NALF1: variants seen among roughly 807,000 people sequenced by gnomAD.
The protein encoded by NALF1 is family with sequence similarity 155 member A.
Under a neutral mutation model 48.4 loss-of-function variants are expected in NALF1, and 3 were observed. The ratio of observed to expected loss-of-function variants is 0.06; its 90% CI spans 0.03 to 0.16. The LOEUF is 0.16. Among genes scored for constraint, NALF1 ranks in the 10% least tolerant of loss-of-function variants. NALF1 has a pLI of 1.00. For synonymous variants in NALF1, 262 were observed against 245.7 expected, an observed-to-expected ratio of 1.07 and a Z score of -0.62; for missense variants, 526 against 571.5, an observed-to-expected ratio of 0.92 and a Z score of 0.81.
At chr13:107,780,344 C>A (rs1284059093) in intron 1 of NALF1, among the ~76,000 whole-genome samples, 1 of 152,058 alleles carries the variant, frequency 6.6e-6, no homozygotes, top group Admixed American at 6.5e-5. Flanking sequence ...GCGTTCAACA[C>A]TGACATTGGG....
chr13:107,327,284 C>T (rs1300637837), intron 1 of NALF1, among the ~76,000 whole-genome samples: 2 of 152,054 alleles, frequency 1.3e-5, no homozygotes, highest in East Asian at 1.9e-4. Flanking sequence ...CTAGCCTGGC[C>T]TCTTGTCCTC....
intron 1 of NALF1, among the ~76,000 whole-genome samples, chr13:107,805,691 C>T (rs185062073): frequency 2.6e-5 from 4 of 152,220 alleles, no homozygotes; most frequent in East Asian, 1.9e-4. Flanking sequence ...ATCCTATGTG[C>T]GGTTACCTTC....
At chr13:107,336,455 A>G (rs1165928313) in intron 1 of NALF1, among the ~76,000 whole-genome samples, 1 of 152,142 alleles carries the variant, frequency 6.6e-6, no homozygotes, top group African/African-American at 2.4e-5. Context: ...TATACATTCT[A>G]CAATAGTTGA....
intron 1 of NALF1, among the ~76,000 whole-genome samples, chr13:107,529,978 G>A (rs1876573040): frequency 6.6e-6 from 1 of 152,020 alleles, no homozygotes; most frequent in South Asian, 2.1e-4. Context: ...GCTTTCAAGA[G>A]GAAGATGACT....
At chr13:107,700,868 G>A (rs2138511367) in intron 1 of NALF1, among the ~76,000 whole-genome samples, 1 of 152,174 alleles carries the variant, frequency 6.6e-6, no homozygotes, top group Admixed American at 6.5e-5. Context: ...ACATAACAAT[G>A]TCCAACAGAT....
rs1232728304 is a variant in NALF1 at position 107,166,671 on chromosome 13, T to C, written c.*3826A>G. On this transcript the variant is annotated 3_prime_UTR_variant, in exon 3 of 3. Transcript: ENST00000375915. ...CATGGGTCTGGCATCCAATTGCTTA[T>C]TTCATTTATGTTTTTTTCCCCCGGA... The C allele has an allele frequency of 1.3e-5, 2 of 152,142 alleles. No homozygotes were observed. The allele number at this position is 152,142 out of a possible 1,614,324, so 9.4% of individuals were successfully genotyped here.
chr13:107,573,764 T>C (rs1171695536), intron 1 of NALF1, among the ~76,000 whole-genome samples: 2 of 151,904 alleles, frequency 1.3e-5, no homozygotes, highest in Admixed American at 6.6e-5. Context: ...GTCTGTCTCA[T>C]GAGATCTGAT....
intron 1 of NALF1, among the ~76,000 whole-genome samples, chr13:107,652,268 C>T (rs1857010): frequency 0.48 from 73,007 of 151,918 alleles, 17,707 homozygotes; most frequent in East Asian, 0.66. Context: ...TGCAATTACA[C>T]TGCTCTATTT....
chr13:107,241,433 A>G (rs1880469272), intron 1 of NALF1, among the ~76,000 whole-genome samples: 1 of 152,150 alleles, frequency 6.6e-6, no homozygotes, highest in Admixed American at 6.5e-5. Flanking sequence ...ATTCTCTGCA[A>G]TTTTAATAAA....
chr13:107,858,941 G>A (rs761616483), intron 1 of NALF1, among the ~76,000 whole-genome samples: 9 of 152,094 alleles, frequency 5.9e-5, no homozygotes, highest in African/African-American at 9.7e-5. Context: ...AATAATGATC[G>A]TCTATTTAAC....
Position 107,168,758 on chromosome 13 carries a change from G to A in NALF1, c.*1739C>T, listed in dbSNP as rs192125450. 10 of 152,442 alleles carry A rather than the reference G, an allele frequency of 6.6e-5. No homozygotes were observed. In the East Asian group the frequency reaches 7.7e-4, roughly 12 times the overall value. The allele number at this position is 152,442 out of a possible 1,614,324, so 9.4% of individuals were successfully genotyped here. ...AAAATATGCATACTGTACGCATGTCGCAGGGTTAAGTATGATGCAGAGGTT... is the reference window on the plus strand; with the variant it reads ...AAAATATGCATACTGTACGCATGTCACAGGGTTAAGTATGATGCAGAGGTT... On this transcript the variant is annotated 3_prime_UTR_variant, in exon 3 of 3. Transcript: ENST00000375915.
At chr13:107,423,191 T>G (rs112339574) in intron 1 of NALF1, among the ~76,000 whole-genome samples, 3,781 of 152,314 alleles carry the variant, frequency 0.025, 61 homozygotes, top group African/African-American at 0.043. Flanking sequence ...GTGGTGGAAG[T>G]CTACAGCATG....
At chr13:107,173,132 A>G (rs1440048841) in intron 2 of NALF1, among the ~76,000 whole-genome samples, 1 of 152,198 alleles carries the variant, frequency 6.6e-6, no homozygotes, top group East Asian at 1.9e-4. Flanking sequence ...ATATTTGCAT[A>G]TCTTTCAGCT....
chr13:107,338,423 A>AC (rs1456276504), intron 1 of NALF1, among the ~76,000 whole-genome samples: 2 of 85,368 alleles, frequency 2.3e-5, no homozygotes, highest in Non-Finnish European at 3.8e-5. Flanking sequence ...GCCTTTCTCA[A>AC]CAAAAAAATA....
intron 1 of NALF1, among the ~76,000 whole-genome samples, chr13:107,521,984 G>T (rs528891329): frequency 1.1e-4 from 17 of 151,196 alleles, no homozygotes; most frequent in African/African-American, 3.6e-4. Context: ...CACACACAGC[G>T]TATCTCTCAC....
At chr13:107,400,321 C>A (rs1468973466) in intron 1 of NALF1, among the ~76,000 whole-genome samples, 1 of 152,004 alleles carries the variant, frequency 6.6e-6, no homozygotes. Context: ...TTATCTTAGG[C>A]AAATTTTAAG....
At chr13:107,681,791 G>A (rs917808626) in intron 1 of NALF1, among the ~76,000 whole-genome samples, 2 of 152,172 alleles carry the variant, frequency 1.3e-5, no homozygotes, top group Non-Finnish European at 2.9e-5. Flanking sequence ...CACCAGCCCT[G>A]ACACTGTGCT....
At chr13:107,315,153 A>G (rs1477014779) in intron 1 of NALF1, among the ~76,000 whole-genome samples, 1 of 151,968 alleles carries the variant, frequency 6.6e-6, no homozygotes, top group Admixed American at 6.6e-5. Flanking sequence ...CTTTCTTTGT[A>G]TCAAAATAAA....
chr13:107,494,530 A>G (rs1386699217), intron 1 of NALF1, among the ~76,000 whole-genome samples: 1 of 152,160 alleles, frequency 6.6e-6, no homozygotes, highest in Non-Finnish European at 1.5e-5. Flanking sequence ...CCAGGCCCTG[A>G]TGTTCACGAC....
Sources: allele counts gnomAD v4.1 joint callset (sites outside exome capture counted in the v4.1 genomes callset), GRCh38; gene constraint gnomAD v4.1.1; transcripts MANE v1.5; gene names NCBI Gene and HGNC (gene_info 2026-07-23, HGNC 2026-07-21).